Variants in MALRD1 observed in about 807,000 individuals in gnomAD.
MALRD1 encodes the protein MAM and LDL-receptor class A domain-containing protein 1.
A neutral mutation model predicts 242.1 loss-of-function variants in MALRD1; 247 were observed. The ratio of observed to expected loss-of-function variants is 1.02; its 90% CI spans 0.92 to 1.13. The LOEUF (loss-of-function observed/expected upper bound fraction) is 1.13. MALRD1 is among the 50% of genes most tolerant of loss of function. The pLI, the probability that MALRD1 is intolerant of heterozygous loss-of-function variation, is 0.00. For missense variants in MALRD1, 2,989 were observed against 2,533.1 expected, an observed-to-expected ratio of 1.18 and a Z score of -3.86; for synonymous variants, 995 against 866.6, an observed-to-expected ratio of 1.15 and a Z score of -2.60.
At chr10:19,049,694 G>A (rs1476161447) in intron 1 of MALRD1, among the ~76,000 whole-genome samples, 1 of 152,130 alleles carries the variant, frequency 6.6e-6, no homozygotes, top group African/African-American at 2.4e-5. Flanking sequence ...TGTCCTGGAT[G>A]AGTCATCCAG....
intron 26 of MALRD1, among the ~76,000 whole-genome samples, chr10:19,363,831 A>G (rs1314027554): frequency 6.6e-6 from 1 of 152,118 alleles, no homozygotes; most frequent in African/African-American, 2.4e-5. Context: ...TAAAAATTCT[A>G]ACTCCCAAGA....
intron 28 of MALRD1, among the ~76,000 whole-genome samples, chr10:19,414,475 A>G (rs145625841): frequency 1.3e-5 from 2 of 152,340 alleles, no homozygotes; most frequent in Non-Finnish European, 2.9e-5. Context: ...CAGGAAGATG[A>G]TCAACCTAGT....
At chr10:19,525,924 A>G (rs1489757526) in intron 31 of MALRD1, among the ~76,000 whole-genome samples, 1 of 152,186 alleles carries the variant, frequency 6.6e-6, no homozygotes, top group East Asian at 1.9e-4. Context: ...AAATCAAACA[A>G]ATAAACGAAA....
chr10:19,427,205 CCAT>C (rs1207148966), intron 28 of MALRD1, among the ~76,000 whole-genome samples: 3 of 152,096 alleles, frequency 2.0e-5, no homozygotes, highest in Non-Finnish European at 4.4e-5. Flanking sequence ...AAATGTCTTA[CCAT>C]TTATTGCTGA....
intron 26 of MALRD1, among the ~76,000 whole-genome samples, chr10:19,365,313 A>G (rs558902506): frequency 2.7e-4 from 41 of 152,078 alleles, no homozygotes; most frequent in Non-Finnish European, 5.3e-4. Flanking sequence ...TTTTGTGGTT[A>G]CCTGTAATTA....
chr10:19,161,498 T>C (rs1292348745), intron 12 of MALRD1, among the ~76,000 whole-genome samples: 4 of 93,532 alleles, frequency 4.3e-5, no homozygotes, highest in Admixed American at 4.1e-4. Flanking sequence ...AAACTTAGAG[T>C]ATAATAAAAA....
intron 11 of MALRD1, among the ~76,000 whole-genome samples, chr10:19,146,905 G>C (rs1381809541): frequency 6.6e-6 from 1 of 152,082 alleles, no homozygotes; most frequent in Admixed American, 6.6e-5. Flanking sequence ...TCCAATAAGT[G>C]TCTGTGAAAC....
In MALRD1 at chr10:19,555,810, A is replaced by G. The variant is rs895796892; in HGVS notation, c.5479-11692A>G. Among the ~76,000 whole-genome samples, 3 of 152,144 alleles carry G rather than the reference A, an allele frequency of 2.0e-5. No homozygotes were observed. In the East Asian group the frequency reaches 5.8e-4, roughly 29 times the overall value. ...AGGCAAAGATGTTTGGTCTCTAAAGATTGAGTTGGGGAAAGTAGTTGATGT... is the reference window on the plus strand; with the variant it reads ...AGGCAAAGATGTTTGGTCTCTAAAGGTTGAGTTGGGGAAAGTAGTTGATGT... On this transcript the variant is annotated intron_variant, in intron 32 of 39. Coordinates refer to ENST00000454679, the MANE Select transcript of MALRD1 (RefSeq NM_001142308.3).
intron 28 of MALRD1, among the ~76,000 whole-genome samples, chr10:19,423,624 C>T (rs978988027): frequency 6.6e-6 from 1 of 151,986 alleles, no homozygotes; most frequent in African/African-American, 2.4e-5. Flanking sequence ...GTTCCCGTGG[C>T]AGGTCATCAT....
At chr10:19,448,835 A>G (rs1835149689) in intron 28 of MALRD1, among the ~76,000 whole-genome samples, 1 of 151,922 alleles carries the variant, frequency 6.6e-6, no homozygotes, top group Non-Finnish European at 1.5e-5. Flanking sequence ...ATATGATTAT[A>G]TAATAATATA....
intron 38 of MALRD1, among the ~76,000 whole-genome samples, chr10:19,718,059 GGAAGAA>G (rs1188475870): frequency 1.5e-5 from 2 of 131,472 alleles, no homozygotes; most frequent in Non-Finnish European, 3.1e-5. Context: ...AAGAAGAAGA[GGAAGAA>G]GAAGAAGGAG....
At chr10:19,169,124 C>A (rs1246535840) in intron 13 of MALRD1, among the ~76,000 whole-genome samples, 1 of 152,058 alleles carries the variant, frequency 6.6e-6, no homozygotes, top group East Asian at 1.9e-4. Context: ...CACTGTGAGG[C>A]CTTTAGGCAG....
rs1564529963 is a variant in MALRD1, at chr10:19,670,878, C to CG, written c.6138-21404_6138-21403insG. The stretch of plus-strand genomic sequence containing the variant: ...TATCTTTATTTCTCAACAAAACAAT[C>CG]ATTTTTTTTTTTTTTTTTGAGATGG... On this transcript the variant is annotated intron_variant, in intron 36 of 39. Transcript: ENST00000454679. 1.2e-3 allele frequency among the ~76,000 whole-genome samples: 181 copies of CG among 147,028 alleles called. 1 individual carries two copies. Among genetic ancestry groups the CG allele is most frequent in the African/African-American group, 4.6e-3 (177 of 38,382 alleles).
At chr10:19,589,019 A>G (rs1837608673) in intron 33 of MALRD1, among the ~76,000 whole-genome samples, 1 of 152,218 alleles carries the variant, frequency 6.6e-6, no homozygotes, top group African/African-American at 2.4e-5. Context: ...CATTACTTGC[A>G]CAATAAAGAC....
At chr10:19,302,330 T>C (rs184279294) in intron 21 of MALRD1, among the ~76,000 whole-genome samples, 24 of 151,898 alleles carry the variant, frequency 1.6e-4, no homozygotes, top group Admixed American at 5.3e-4. Flanking sequence ...AAAAACCTTA[T>C]ACATGAGTAT....
intron 5 of MALRD1, among the ~76,000 whole-genome samples, chr10:19,112,596 T>C (rs971329142): frequency 6.6e-6 from 1 of 152,162 alleles, no homozygotes; most frequent in Non-Finnish European, 1.5e-5. Flanking sequence ...AAGATGACCG[T>C]TAAAGGCCTG....
intron 21 of MALRD1, 119 bp from the exon 22 acceptor site, chr10:19,323,830 C>A: frequency 1.2e-6 from 1 of 831,452 alleles, no homozygotes; most frequent in Non-Finnish European, 1.9e-6. Context: ...AGGCTGGTCT[C>A]GAACTCCTGA....
At chr10:19,161,845 T>C (rs907453709) in intron 12 of MALRD1, among the ~76,000 whole-genome samples, 1 of 152,040 alleles carries the variant, frequency 6.6e-6, no homozygotes, top group Non-Finnish European at 1.5e-5. Context: ...CTGGCCAACA[T>C]GGTAAAACCC....
At chr10:19,238,558 T>A (rs1161090601) in intron 18 of MALRD1, among the ~76,000 whole-genome samples, 16 of 75,598 alleles carry the variant, frequency 2.1e-4, no homozygotes, top group African/African-American at 7.3e-4. Context: ...TAATGTATAT[T>A]ATATATAATA....
Sources: allele counts gnomAD v4.1 joint callset (sites outside exome capture counted in the v4.1 genomes callset), GRCh38; gene constraint gnomAD v4.1.1; transcripts MANE v1.5; gene names NCBI Gene and HGNC (gene_info 2026-07-23, HGNC 2026-07-21).